TAOK1: variants seen among roughly 807,000 people sequenced by gnomAD.
TAOK1 encodes serine/threonine-protein kinase TAO1.
TAOK1 carries 21 observed loss-of-function variants against 138.3 expected under a neutral mutation model. That is an observed-to-expected ratio of 0.15 (90% CI 0.11 to 0.22). The LOEUF (loss-of-function observed/expected upper bound fraction) is 0.22, where lower values mean the gene tolerates loss of function less well. Ranked by LOEUF, TAOK1 falls within the 10% of genes least tolerant of loss-of-function variation. The pLI, the probability that TAOK1 is intolerant of heterozygous loss-of-function variation, is 1.00. For missense variants in TAOK1, 651 were observed against 1,227.7 expected (o/e 0.53, Z 7.02); for synonymous variants, 361 against 398.4 (o/e 0.91, Z 1.12).
chr17:29,462,607 TAGC>T (rs1416421132), intron 2 of TAOK1, among the ~76,000 whole-genome samples: 1 of 152,208 alleles, frequency 6.6e-6, no homozygotes, highest in African/African-American at 2.4e-5. Flanking sequence ...TGTGCTCCCT[TAGC>T]AGGTTTGCAA....
At chr17:29,464,945 C>T (rs1222201636) in intron 2 of TAOK1, among the ~76,000 whole-genome samples, 1 of 150,706 alleles carries the variant, frequency 6.6e-6, no homozygotes, top group African/African-American at 2.4e-5. Context: ...CTCAACCTCC[C>T]GAGTAGCTGG....
chr17:29,530,656 G>T (rs1205532372), intron 18 of TAOK1, 37 bp downstream of exon 18: 1 of 1,546,150 alleles, frequency 6.5e-7, no homozygotes, highest in Non-Finnish European at 8.9e-7. Context: ...CAAATTTAGT[G>T]CCCCTTTTCT....
At chr17:29,487,167 A>C (rs975959521) in intron 8 of TAOK1, among the ~76,000 whole-genome samples, 1 of 146,644 alleles carries the variant, frequency 6.8e-6, no homozygotes, top group Non-Finnish European at 1.5e-5. Context: ...AATTGCTTGA[A>C]CCTGGGAGGC....
chr17:29,461,825 T>C (rs897344620), intron 2 of TAOK1, among the ~76,000 whole-genome samples: 9 of 151,990 alleles, frequency 5.9e-5, no homozygotes, highest in Non-Finnish European at 8.8e-5. Context: ...CCAGAAACAA[T>C]TGAATGAAAG....
chr17:29,427,989 AAAGG>A (rs1440043155), intron 1 of TAOK1, among the ~76,000 whole-genome samples: 2 of 152,248 alleles, frequency 1.3e-5, no homozygotes, highest in African/African-American at 4.8e-5. Context: ...CGCAGACTGA[AAAGG>A]AAGGCTGAAG....
chr17:29,426,828 C>A (rs883828), intron 1 of TAOK1, among the ~76,000 whole-genome samples: 24,342 of 152,114 alleles, frequency 0.16, 2,066 homozygotes, highest in Admixed American at 0.21. Flanking sequence ...TTTGGAGTGG[C>A]ATCCTGGTGA....
In TAOK1 at chr17:29,480,457, A is replaced by G. The variant is rs201854324; in HGVS notation, c.539A>G (p.Asn180Ser). The change falls in exon 7 of 20, where the codon AAT (asparagine) becomes AGT (serine). Residue 180 changes from asparagine (N) to serine (S), a missense_variant. By Grantham distance (46) the Asn-to-Ser change is conservative. This residue lies in a region of TAOK1 where 116 missense variants were observed against 213.9 expected (regional missense o/e 0.54). Coordinates refer to ENST00000261716, the MANE Select transcript of TAOK1 (RefSeq NM_020791.4). Reference sequence around the variant, plus strand: ...TCTGCTTCCATGGCATCACCTGCCAATTCCTTTGTGGGAACGCCGTATTGG... The same window carrying G: ...TCTGCTTCCATGGCATCACCTGCCAGTTCCTTTGTGGGAACGCCGTATTGG... ...FGSASMASPANSFVGTPYWMA... is the reference protein window; with the variant it reads ...FGSASMASPASSFVGTPYWMA... 7 of 1,613,304 alleles carry G rather than the reference A, an allele frequency of 4.3e-6. No homozygotes were observed. Among genetic ancestry groups the G allele is most frequent in the South Asian group, 2.2e-5 (2 of 90,960 alleles).
chr17:29,504,276 C>CAAAAA (rs71138826), intron 13 of TAOK1, among the ~76,000 whole-genome samples: 425 of 40,710 alleles, frequency 0.01, 18 homozygotes, highest in East Asian at 0.017. Flanking sequence ...GACCCTGTCT[C>CAAAAA]AAAAAAAAAA....
At chr17:29,512,801 G>C (rs1364823732) in intron 15 of TAOK1, 1 of 151,506 alleles carries the variant, frequency 6.6e-6, no homozygotes, top group Non-Finnish European at 1.5e-5. Flanking sequence ...TCCTGCCTCC[G>C]GCTCCCGAGT....
chr17:29,406,450 A>G (rs1198781303), intron 1 of TAOK1, among the ~76,000 whole-genome samples: 1 of 152,164 alleles, frequency 6.6e-6, no homozygotes, highest in Non-Finnish European at 1.5e-5. Context: ...ATATGTGGCT[A>G]TAGGTTATTT....
At chr17:29,532,355 G>GTTTT (rs11431904) in intron 18 of TAOK1, among the ~76,000 whole-genome samples, 1 of 147,640 alleles carries the variant, frequency 6.8e-6, no homozygotes, top group African/African-American at 2.5e-5. Flanking sequence ...TTTGTTTGTG[G>GTTTT]TTTTTTTTTT....
intron 12 of TAOK1, among the ~76,000 whole-genome samples, chr17:29,500,739 CA>C (rs936742998): frequency 0.025 from 2,199 of 87,560 alleles, 41 homozygotes; most frequent in African/African-American, 0.082. Flanking sequence ...GACTCTGTCT[CA>C]AAAAAAAAAA....
At chr17:29,440,920 C>T (rs544184311) in intron 1 of TAOK1, among the ~76,000 whole-genome samples, 13 of 152,192 alleles carry the variant, frequency 8.5e-5, no homozygotes, top group Middle Eastern at 3.4e-3. Context: ...TTATCAAATG[C>T]GTTTTCCATA....
intron 1 of TAOK1, among the ~76,000 whole-genome samples, chr17:29,411,000 C>T (rs972469418): frequency 2.7e-4 from 41 of 151,976 alleles, no homozygotes; most frequent in African/African-American, 9.6e-4. Context: ...CATTTCAGTT[C>T]CCCTTACATA....
rs769491636 is a variant in TAOK1, at chr17:29,542,774, C to G, written c.2758C>G (p.Pro920Ala). The G allele has an allele frequency of 6.2e-7, 1 of 1,614,220 alleles. No individual in the cohort carries two copies. The highest frequency in any genetic ancestry group is 8.5e-7 in the Non-Finnish European group (1 of 1,180,040). Residue 920 changes from proline to alanine, a missense_variant, in exon 20 of 20, where the codon CCT becomes GCT. By Grantham distance (27) the Pro-to-Ala change is conservative. Coordinates refer to ENST00000261716, the MANE Select transcript of TAOK1 (RefSeq NM_020791.4). ...ACACAACCCTACTGGGGGTCCAGGA[C>G]CTCACTGGGGTCATCCCATGGGTGG... The part of the protein sequence containing the change: ...WSHNPTGGPG[P>A]HWGHPMGGPP...
chr17:29,477,466 CTA>C (rs1233584180), intron 4 of TAOK1, among the ~76,000 whole-genome samples, 193 bp from the exon 5 acceptor site: 18 of 151,698 alleles, frequency 1.2e-4, no homozygotes, highest in East Asian at 5.8e-4. Context: ...GAATACATAA[CTA>C]TTTTTTATTA....
chr17:29,476,679 C>T (rs2030948784), intron 4 of TAOK1, among the ~76,000 whole-genome samples: 2 of 152,048 alleles, frequency 1.3e-5, no homozygotes, highest in Admixed American at 1.3e-4. Flanking sequence ...CAAATCCCTT[C>T]TATAAAATGG....
chr17:29,506,017 A>C (rs970441952), intron 13 of TAOK1, among the ~76,000 whole-genome samples: 1 of 152,168 alleles, frequency 6.6e-6, no homozygotes, highest in Non-Finnish European at 1.5e-5. Context: ...TGTTGGTGAT[A>C]ACCTAAATTA....
chr17:29,505,365 C>G (rs2031611161), intron 13 of TAOK1, among the ~76,000 whole-genome samples: 1 of 152,122 alleles, frequency 6.6e-6, no homozygotes, highest in African/African-American at 2.4e-5. Context: ...GGTTCCAGGA[C>G]TCTCCACAAA....
Sources: gnomAD v4.1 joint callset for allele counts (sites outside exome capture counted in the v4.1 genomes callset) on GRCh38, gnomAD v4.1.1 for gene constraint, gnomAD v4.1.1 regional missense constraint, MANE v1.5 for transcripts, NCBI Gene and HGNC (gene_info 2026-07-23, HGNC 2026-07-21) for gene names.